Variants in KDM5A observed in about 807,000 individuals in gnomAD.
The protein encoded by KDM5A is lysine demethylase 5A.
A neutral mutation model predicts 193.5 loss-of-function variants in KDM5A; 42 were observed. The ratio of observed to expected loss-of-function variants is 0.22; its 90% confidence interval spans 0.17 to 0.28. The LOEUF (loss-of-function observed/expected upper bound fraction) is 0.28. Ranked by LOEUF, KDM5A falls within the 10% of genes least tolerant of loss-of-function variation. KDM5A has a pLI of 1.00. For synonymous variants in KDM5A, 796 were observed against 718.1 expected, an observed-to-expected ratio of 1.11 and a Z score of -1.73; for missense variants, 1,692 against 2,055.1, an observed-to-expected ratio of 0.82 and a Z score of 3.42.
At chr12:375,440 A>ACTT (rs1436686248) in intron 3 of KDM5A, among the ~76,000 whole-genome samples, 2 of 152,124 alleles carry the variant, frequency 1.3e-5, no homozygotes, top group East Asian at 3.8e-4. Flanking sequence ...TCATTTAAAG[A>ACTT]CTTCTCTACA....
At position 307,309 on chromosome 12, in the gene KDM5A, T is replaced by C. The variant is rs918671879; in HGVS notation, c.3930+145A>G. On this transcript the variant is annotated intron_variant, in intron 23 of 27. Coordinates refer to ENST00000399788, the MANE Select transcript of KDM5A (RefSeq NM_001042603.3). This position sits in a 1 kb window ranked among gnomAD's most constrained non-coding sequence, Gnocchi z 4.3. ...AAGTACGTATCCAAAAAAAGTGCTATAGTGTATGTTGAAGGAGAATGCAAT... is the reference window on the plus strand; with the variant it reads ...AAGTACGTATCCAAAAAAAGTGCTACAGTGTATGTTGAAGGAGAATGCAAT... 1 of 1,004,746 alleles carries C rather than the reference T, an allele frequency of 1.0e-6. No homozygotes were observed. Among genetic ancestry groups the C allele is most frequent in the Non-Finnish European group, 1.5e-6 (1 of 656,840 alleles). The allele number at this position is 1,004,746 out of a possible 1,614,324, so 62.2% of individuals were successfully genotyped here.
At position 282,112 on chromosome 12, in the gene KDM5A, C is replaced by G. The variant is rs2137349823; in HGVS notation, c.*3344G>C. On this transcript the variant is annotated 3_prime_UTR_variant, in exon 28 of 28. Coordinates refer to ENST00000399788, the MANE Select transcript of KDM5A (RefSeq NM_001042603.3). ...TTACAGCTCAGCCTGCACAGAAGCA[C>G]AGAAGCAAAGCCCAGGCAGAACCAT... The G allele has an allele frequency of 3.3e-6, 1 of 301,664 alleles. No individual in the cohort carries two copies. The highest frequency in any genetic ancestry group is 5.7e-5 in the East Asian group (1 of 17,590). The allele number at this position is 301,664 out of a possible 1,614,324, so 18.7% of individuals were successfully genotyped here.
At chr12:359,683 G>C (rs1406510773) in intron 5 of KDM5A, among the ~76,000 whole-genome samples, 4 of 139,266 alleles carry the variant, frequency 2.9e-5, no homozygotes, top group Non-Finnish European at 4.6e-5. Context: ...CAGAGGTTGC[G>C]ATTAACCAAG....
chr12:297,471 T>G (rs913872445), intron 24 of KDM5A, among the ~76,000 whole-genome samples: 1 of 152,202 alleles, frequency 6.6e-6, no homozygotes, highest in Non-Finnish European at 1.5e-5. Context: ...AGTAAATAAC[T>G]GGAGAAACTA....
rs760330652 is a variant in KDM5A, at chr12:307,902, ACTT to A, written c.3479_3481del (p.Glu1160del). On this transcript the variant is annotated inframe_deletion, in exon 23 of 28. Coordinates refer to ENST00000399788, the MANE Select transcript of KDM5A (RefSeq NM_001042603.3). The surrounding 1 kb of genome is among the most constrained non-coding windows in gnomAD (Gnocchi z 4.3). The stretch of plus-strand genomic sequence containing the variant: ...TGTCTTGCGGCAAATGCAAAATTTT[ACTT>A]CTTCTATGCGGTCCACCATTGTCAT... The A allele has an allele frequency of 2.0e-5, 32 of 1,614,102 alleles. No homozygotes were observed. In the East Asian group the frequency reaches 6.5e-4, roughly 33 times the overall value.
In KDM5A at chr12:280,897, C is replaced by T. The variant is rs1591890384; in HGVS notation, c.*4559G>A. On this transcript the variant is annotated 3_prime_UTR_variant, in exon 28 of 28. Transcript: ENST00000399788. Reference sequence around the variant, plus strand: ...CACACCACTGATCAAATTATTTTGGCTCAGTTCTTTATTTTATAGTTAGCA... The same window carrying T: ...CACACCACTGATCAAATTATTTTGGTTCAGTTCTTTATTTTATAGTTAGCA... 4.3e-6 allele frequency: 1 copy of T among 232,982 alleles called. No individual in the cohort carries two copies. Among genetic ancestry groups the T allele is most frequent in the East Asian group, 6.0e-5 (1 of 16,548 alleles). 14.4% of individuals were successfully genotyped at this position (232,982 alleles called of 1,614,324 possible). A position where few individuals can be genotyped will look rare whatever the true frequency, so the allele number is the denominator to read the frequency against.
chr12:357,784 C>T (rs562816870), intron 5 of KDM5A, among the ~76,000 whole-genome samples: 2 of 135,694 alleles, frequency 1.5e-5, no homozygotes, highest in South Asian at 4.7e-4. Flanking sequence ...GCTGAGATTG[C>T]ACCACTGCAC....
chr12:339,390 A>T (rs1943973456), intron 10 of KDM5A, among the ~76,000 whole-genome samples: 1 of 152,172 alleles, frequency 6.6e-6, no homozygotes, highest in Admixed American at 6.5e-5. Context: ...AGTCCCTAAA[A>T]TCCTTTTGTC....
chr12:387,486 T>C (rs533131587), intron 1 of KDM5A, among the ~76,000 whole-genome samples: 8 of 152,236 alleles, frequency 5.3e-5, no homozygotes, highest in Non-Finnish European at 1.0e-4. Context: ...GTAATTATGA[T>C]AGAAAAAAGG....
At chr12:370,632 C>CT (rs994339077) in intron 3 of KDM5A, among the ~76,000 whole-genome samples, 77 of 150,962 alleles carry the variant, frequency 5.1e-4, no homozygotes, top group African/African-American at 1.8e-3. Context: ...TTTAATTATA[C>CT]TTTAAGTTCT....
chr12:312,118 C>T (rs1371089639), intron 20 of KDM5A, among the ~76,000 whole-genome samples: 1 of 152,172 alleles, frequency 6.6e-6, no homozygotes, highest in Non-Finnish European at 1.5e-5. Flanking sequence ...GAGTACAGTT[C>T]TATAATTAAG....
chr12:305,692 G>C (rs1328017192), intron 24 of KDM5A, among the ~76,000 whole-genome samples: 1 of 152,156 alleles, frequency 6.6e-6, no homozygotes, highest in Non-Finnish European at 1.5e-5. Flanking sequence ...GTTATTACTA[G>C]GTTAAAAAGC....
At chr12:385,652 G>A (rs1284134335) in intron 2 of KDM5A, among the ~76,000 whole-genome samples, 1 of 152,134 alleles carries the variant, frequency 6.6e-6, no homozygotes, top group Non-Finnish European at 1.5e-5. Flanking sequence ...AGAGAAAGTA[G>A]AATTTAAGAA....
chr12:356,807 A>G (rs1477943493), intron 5 of KDM5A, among the ~76,000 whole-genome samples: 1 of 152,252 alleles, frequency 6.6e-6, no homozygotes, highest in African/African-American at 2.4e-5. Context: ...ACTGCTGGTT[A>G]TCACACAATA....
intron 13 of KDM5A, among the ~76,000 whole-genome samples, chr12:330,085 G>GTGTGTGTGTGTGTGTGTGTGTGTA (rs377271333): frequency 1.7e-4 from 24 of 139,320 alleles, no homozygotes; most frequent in African/African-American, 2.2e-4. Context: ...GTGTGTGTGT[G>GTGTGTGTGTGTGTGTGTGTGTGTA]TATATATATA....
rs187707787 is a variant in KDM5A, at chr12:328,824, A to G, written c.1968+11T>C. ...AGTATCAAACATAGAAAATGTGCTC[A>G]GCAAACTCACCATCTGTACAACAGA... On this transcript the variant is annotated intron_variant, in intron 14 of 27. Transcript: ENST00000399788. The G allele has an allele frequency of 6.2e-6, 10 of 1,612,984 alleles. No homozygotes were observed. In the Admixed American group the frequency reaches 1.0e-4, roughly 16 times the overall value.
intron 12 of KDM5A, among the ~76,000 whole-genome samples, chr12:332,764 T>C (rs1457112305): frequency 6.6e-6 from 1 of 152,182 alleles, no homozygotes; most frequent in East Asian, 1.9e-4. Flanking sequence ...GCATCCTTAT[T>C]GGTTATTAGT....
chr12:360,801 T>C (rs77168388), intron 5 of KDM5A, among the ~76,000 whole-genome samples: 4,430 of 152,208 alleles, frequency 0.029, 82 homozygotes, highest in Middle Eastern at 0.044. Context: ...GAGACTTAAA[T>C]ACATATTGGG....
chr12:348,027 TA>T (rs1233255103), intron 10 of KDM5A, among the ~76,000 whole-genome samples: 5 of 152,248 alleles, frequency 3.3e-5, no homozygotes, highest in Admixed American at 3.3e-4. Context: ...GACAAAGGGC[TA>T]ATATCCAGAA....
Sources: allele counts gnomAD v4.1 joint callset (sites outside exome capture counted in the v4.1 genomes callset), GRCh38; gene constraint gnomAD v4.1.1; non-coding constraint Gnocchi (gnomAD v3.1); transcripts MANE v1.5; gene names NCBI Gene and HGNC (gene_info 2026-07-23, HGNC 2026-07-21).